Variants in ZDHHC17 observed in about 807,000 individuals in gnomAD.
ZDHHC17 encodes the protein palmitoyltransferase ZDHHC17.
A neutral mutation model predicts 90.3 loss-of-function variants in ZDHHC17; 40 were observed. That is an observed-to-expected ratio of 0.44 (90% CI 0.34 to 0.58). The LOEUF (loss-of-function observed/expected upper bound fraction) is 0.58. Among genes scored for constraint, ZDHHC17 ranks in the 20% least tolerant of loss-of-function variants. The pLI is 0.01. For missense variants in ZDHHC17, 614 were observed against 780.8 expected (o/e 0.79, Z 2.55); for synonymous variants, 235 against 252.4 (o/e 0.93, Z 0.65).
At chr12:76,829,732 T>C (rs1385909154) in intron 10 of ZDHHC17, among the ~76,000 whole-genome samples, 1 of 152,220 alleles carries the variant, frequency 6.6e-6, no homozygotes, top group African/African-American at 2.4e-5. Flanking sequence ...TTTGCCTTCA[T>C]GAAAAGGTGT....
intron 11 of ZDHHC17, 66 bp from the exon 12 acceptor site, chr12:76,842,853 G>A: frequency 8.7e-7 from 1 of 1,146,498 alleles, no homozygotes; most frequent in Non-Finnish European, 1.3e-6. Flanking sequence ...TTGATTCATA[G>A]TGGTGGCAAA....
intron 1 of ZDHHC17, 179 bp downstream of exon 1, chr12:76,764,508 C>A: frequency 1.6e-6 from 1 of 613,098 alleles, no homozygotes; most frequent in Non-Finnish European, 2.8e-6. Flanking sequence ...GAGGAGATAG[C>A]GGGGCGGGCC....
Position 76,809,751 on chromosome 12 carries a change from A to G in ZDHHC17, c.437A>G (p.Tyr146Cys). 1 of 1,586,680 alleles carries G rather than the reference A, an allele frequency of 6.3e-7. No individual in the cohort carries two copies. The highest frequency in any genetic ancestry group is 8.6e-7 in the Non-Finnish European group (1 of 1,168,442). The change falls in exon 5 of 17, where the codon TAT (tyrosine) becomes TGT (cysteine). Residue 146 changes from tyrosine (Y) to cysteine (C), a missense_variant. Physicochemically the swap from Tyr to Cys is radical, Grantham distance 194 (BLOSUM62 -2). Coordinates refer to ENST00000426126, the MANE Select transcript of ZDHHC17 (RefSeq NM_015336.4). ...TCCATGGTTGTGCAACTAATGAAAT[A>G]TGGTGCAGATCCTTCATTAATTGAT... The part of the protein sequence containing the change: ...HLSMVVQLMK[Y>C]GADPSLIDGE...
At chr12:76,794,866 A>G (rs1424495239) in intron 1 of ZDHHC17, among the ~76,000 whole-genome samples, 2 of 152,174 alleles carry the variant, frequency 1.3e-5, no homozygotes, top group East Asian at 3.8e-4. Flanking sequence ...TTTTTATTCT[A>G]TGAATATTAT....
rs2137806340 is a variant in ZDHHC17, at chr12:76,845,718, C to T, written c.1339C>T (p.Pro447Ser). ...IFCSTCLIRK[P>S]VRSKHCGVCN... ...ACATGCCTATTAACAGATACGAAAA[C>T]CGGTGAGGTCCAAACATTGTGGTGT... is the stretch of plus-strand genomic sequence containing the variant. Residue 447 changes from proline (P) to serine (S), a missense_variant, in exon 13 of 17, where the codon CCG becomes TCG. By Grantham distance (74) the Pro-to-Ser change is moderately conservative. Transcript: ENST00000426126. 6.2e-7 allele frequency: 1 copy of T among 1,600,892 alleles called. No individual in the cohort carries two copies. The highest frequency in any genetic ancestry group is 8.5e-7 in the Non-Finnish European group (1 of 1,171,838).
Position 76,797,444 on chromosome 12 carries a change from C to T in ZDHHC17, c.104C>T (p.Pro35Leu). 1.2e-6 allele frequency: 2 copies of T among 1,600,602 alleles called. No homozygotes were observed. Among genetic ancestry groups the T allele is most frequent in the Non-Finnish European group, 1.7e-6 (2 of 1,173,982 alleles). The change falls in exon 2 of 17, where the codon CCC (proline) becomes CTC (leucine). Residue 35 changes from proline to leucine, a missense_variant. Pro to Leu is a moderately conservative substitution (Grantham distance 98). Around this residue, in one of 5 missense-constraint regions of ZDHHC17, gnomAD observed 358 missense variants for 380.4 expected, o/e 0.94. Transcript: ENST00000426126. ...TTTTCTTTTTAACAGGAAATCAAAC[C>T]CCAAAGCCATTATAACCATGGATAT... is the stretch of plus-strand genomic sequence containing the variant. ...VPLLHPEEIK[P>L]QSHYNHGYGE...
At chr12:76,844,895 C>G (rs187028357) in intron 12 of ZDHHC17, 1 of 152,184 alleles carries the variant, frequency 6.6e-6, no homozygotes, top group Admixed American at 6.5e-5. Context: ...GACTGCCAGC[C>G]CTTTGAAGAT....
intron 15 of ZDHHC17, 53 bp from the exon 16 acceptor site, chr12:76,849,323 C>CAAA (rs34062414): frequency 0.22 from 96,258 of 446,496 alleles, 6,648 homozygotes; most frequent in Admixed American, 0.36. Context: ...GGTCCTGTCT[C>CAAA]AAAAAAAAAA....
intron 1 of ZDHHC17, among the ~76,000 whole-genome samples, chr12:76,792,530 G>A (rs2137739074): frequency 6.6e-6 from 1 of 151,816 alleles, no homozygotes; most frequent in Middle Eastern, 3.4e-3. Context: ...AGTGTTTATC[G>A]CAGCTCAGCT....
At chr12:76,850,806 G>A (rs375481690) in intron 16 of ZDHHC17, 41 bp from the exon 17 acceptor site, 10 of 1,601,446 alleles carry the variant, frequency 6.2e-6, no homozygotes, top group Non-Finnish European at 8.5e-6. Context: ...TAAATCATTT[G>A]TACTGACTGA....
At chr12:76,826,502 A>G (rs1212406964) in intron 8 of ZDHHC17, among the ~76,000 whole-genome samples, 1 of 152,166 alleles carries the variant, frequency 6.6e-6, no homozygotes, top group African/African-American at 2.4e-5. Flanking sequence ...AAGCATCTTC[A>G]GGTTTCCTTA....
intron 11 of ZDHHC17, 113 bp from the exon 12 acceptor site, chr12:76,842,806 C>A: frequency 1.3e-6 from 1 of 741,422 alleles, no homozygotes; most frequent in Non-Finnish European, 2.1e-6. Flanking sequence ...TTTTTGAACT[C>A]AAAACATCAG....
chr12:76,777,641 A>G (rs1410036001), intron 1 of ZDHHC17, among the ~76,000 whole-genome samples: 1 of 152,198 alleles, frequency 6.6e-6, no homozygotes, highest in Non-Finnish European at 1.5e-5. Flanking sequence ...TCCAATCAGC[A>G]GTATATGAGT....
chr12:76,814,789 A>G (rs1244837191), intron 5 of ZDHHC17, among the ~76,000 whole-genome samples: 1 of 151,992 alleles, frequency 6.6e-6, no homozygotes, highest in African/African-American at 2.4e-5. Flanking sequence ...AGGAATAAAC[A>G]GTTTTGTCGT....
chr12:76,781,087 T>C (rs958524270), intron 1 of ZDHHC17, among the ~76,000 whole-genome samples: 1 of 146,458 alleles, frequency 6.8e-6, no homozygotes, highest in African/African-American at 2.5e-5. Flanking sequence ...TGAGCCGAGA[T>C]TGCGCCACTG....
chr12:76,797,202 G>T (rs543169423), intron 1 of ZDHHC17, among the ~76,000 whole-genome samples: 1 of 152,256 alleles, frequency 6.6e-6, no homozygotes, highest in South Asian at 2.1e-4. Context: ...GGCAGAGGTT[G>T]TAGGGAGCCG....
intron 1 of ZDHHC17, chr12:76,764,844 G>C (rs1395963878): frequency 2.2e-6 from 1 of 456,360 alleles, no homozygotes; most frequent in South Asian, 1.5e-5. Context: ...CGGGCACCTT[G>C]TGTCGGGCGT....
chr12:76,778,241 G>A, intron 1 of ZDHHC17, among the ~76,000 whole-genome samples: 1 of 151,860 alleles, frequency 6.6e-6, no homozygotes, highest in Admixed American at 6.6e-5. Context: ...ATGGAGTCTC[G>A]CTCCCACCCA....
intron 9 of ZDHHC17, among the ~76,000 whole-genome samples, chr12:76,828,073 T>A (rs959636801): frequency 6.6e-6 from 1 of 152,142 alleles, no homozygotes; most frequent in Non-Finnish European, 1.5e-5. Context: ...AATAGTATGC[T>A]GGATGATAGC....
Sources: gnomAD v4.1 joint callset for allele counts (sites outside exome capture counted in the v4.1 genomes callset) on GRCh38, gnomAD v4.1.1 for gene constraint, gnomAD v4.1.1 regional missense constraint, MANE v1.5 for transcripts, NCBI Gene and HGNC (gene_info 2026-07-23, HGNC 2026-07-21) for gene names.